XKR6: variants seen among roughly 807,000 people sequenced by gnomAD.
XKR6 encodes XK-related protein 6.
XKR6 carries 22 observed loss-of-function variants against 56.7 expected under a neutral mutation model. That is an observed-to-expected ratio of 0.39 (90% CI 0.28 to 0.55). The LOEUF (loss-of-function observed/expected upper bound fraction) is 0.55. Ranked by LOEUF, XKR6 falls within the 20% of genes least tolerant of loss-of-function variation. XKR6 has a pLI of 0.66. For synonymous variants in XKR6, 524 were observed against 387.8 expected, an observed-to-expected ratio of 1.35 and a Z score of -4.13; for missense variants, 852 against 889.0, an observed-to-expected ratio of 0.96 and a Z score of 0.53.
intron 2 of XKR6, among the ~76,000 whole-genome samples, chr8:10,903,074 C>T (rs1173427472): frequency 6.6e-6 from 1 of 152,140 alleles, no homozygotes; most frequent in African/African-American, 2.4e-5. Flanking sequence ...CAGAGGGTAG[C>T]CCTTGCCCTG....
At chr8:11,182,805 T>G (rs909752842) in intron 1 of XKR6, among the ~76,000 whole-genome samples, 8 of 152,202 alleles carry the variant, frequency 5.3e-5, no homozygotes, top group African/African-American at 7.2e-5. Flanking sequence ...CAATGCATCA[T>G]CAGTCATTTC....
intron 1 of XKR6, among the ~76,000 whole-genome samples, chr8:11,047,850 G>A (rs969627647): frequency 1.9e-4 from 29 of 152,198 alleles, no homozygotes; most frequent in African/African-American, 6.5e-4. Flanking sequence ...CTCACTACAT[G>A]ATCCCAGGAA....
intron 1 of XKR6, among the ~76,000 whole-genome samples, chr8:11,018,759 A>G (rs1798683001): frequency 6.6e-6 from 1 of 152,074 alleles, no homozygotes; most frequent in Non-Finnish European, 1.5e-5. Flanking sequence ...CCTGCCCCAA[A>G]CCATCAATAG....
chr8:10,924,833 G>A lies in XKR6; in HGVS notation c.765-3C>T. The A allele has an allele frequency of 6.2e-7, 1 of 1,610,782 alleles. No individual in the cohort carries two copies. The highest frequency in any genetic ancestry group is 8.5e-7 in the Non-Finnish European group (1 of 1,177,902). On this transcript the variant is annotated splice_polypyrimidine_tract_variant and splice_region_variant and intron_variant, in intron 1 of 2. Coordinates refer to ENST00000416569, the MANE Select transcript of XKR6 (RefSeq NM_173683.4). Reference sequence around the variant, plus strand: ...CCAGGTACATGGTGCGGATATACCTGCCCAGAGAGATGGGGAGAACACAGA... The same window carrying A: ...CCAGGTACATGGTGCGGATATACCTACCCAGAGAGATGGGGAGAACACAGA...
At chr8:11,124,242 G>C (rs753995040) in intron 1 of XKR6, 2 of 346,640 alleles carry the variant, frequency 5.8e-6, no homozygotes, top group Admixed American at 7.7e-5. Context: ...TCTTACCAAA[G>C]AGGAAAGTGA....
chr8:11,019,566 C>G (rs538246352), intron 1 of XKR6, among the ~76,000 whole-genome samples: 1 of 152,306 alleles, frequency 6.6e-6, no homozygotes, highest in South Asian at 2.1e-4. Flanking sequence ...TGCTAGAACG[C>G]GCAGGTGACA....
chr8:10,901,054 TC>T (rs1477559017), intron 2 of XKR6, among the ~76,000 whole-genome samples: 1 of 121,818 alleles, frequency 8.2e-6, no homozygotes, highest in African/African-American at 3.3e-5. Context: ...AGTTTCTACT[TC>T]TTTTTTTTTT....
chr8:10,996,659 G>A (rs1013645365), intron 1 of XKR6, among the ~76,000 whole-genome samples: 1 of 152,138 alleles, frequency 6.6e-6, no homozygotes, highest in Admixed American at 6.5e-5. Flanking sequence ...TGGGTGTGTT[G>A]GGTGAAGACT....
intron 1 of XKR6, among the ~76,000 whole-genome samples, chr8:10,955,057 T>TG (rs1187264282): frequency 6.6e-6 from 1 of 151,892 alleles, no homozygotes; most frequent in Non-Finnish European, 1.5e-5. Context: ...TTAGTAGAGA[T>TG]GGGGTTTCAC....
chr8:11,029,174 C>A (rs980582000), intron 1 of XKR6, among the ~76,000 whole-genome samples: 1 of 152,122 alleles, frequency 6.6e-6, no homozygotes. Flanking sequence ...CCCTCCCAGG[C>A]CCCTTCACTC....
chr8:11,027,321 G>A (rs1273995154), intron 1 of XKR6, among the ~76,000 whole-genome samples: 1 of 152,142 alleles, frequency 6.6e-6, no homozygotes, highest in Non-Finnish European at 1.5e-5. Flanking sequence ...TGTATATTGG[G>A]TTAAATAAAA....
chr8:10,926,390 GA>G (rs1800885871), intron 1 of XKR6, among the ~76,000 whole-genome samples: 1 of 152,040 alleles, frequency 6.6e-6, no homozygotes, highest in African/African-American at 2.4e-5. Context: ...ACCAACTGAT[GA>G]GGGGTGCCCG....
At chr8:11,146,573 G>A (rs910695231) in intron 1 of XKR6, among the ~76,000 whole-genome samples, 1 of 149,992 alleles carries the variant, frequency 6.7e-6, no homozygotes, top group African/African-American at 2.5e-5. Context: ...AGGCTGCAGT[G>A]AGTCAATATC....
intron 2 of XKR6, among the ~76,000 whole-genome samples, chr8:10,907,527 T>C (rs1800218126): frequency 6.6e-6 from 1 of 152,214 alleles, no homozygotes; most frequent in Non-Finnish European, 1.5e-5. Context: ...AGCAGCAGAC[T>C]GATTTCAAGA....
At chr8:10,944,957 G>A (rs182426151) in intron 1 of XKR6, among the ~76,000 whole-genome samples, 11 of 152,324 alleles carry the variant, frequency 7.2e-5, no homozygotes, top group Non-Finnish European at 4.4e-5. Context: ...GCAGAGGAAA[G>A]CACCCTGAGG....
chr8:10,945,089 A>G (rs1311341168), intron 1 of XKR6, among the ~76,000 whole-genome samples: 1 of 152,098 alleles, frequency 6.6e-6, no homozygotes, highest in Non-Finnish European at 1.5e-5. Flanking sequence ...CCTGGGTGAA[A>G]CTGGCTCCAC....
chr8:11,136,669 C>A (rs1260704878), intron 1 of XKR6, among the ~76,000 whole-genome samples: 1 of 152,136 alleles, frequency 6.6e-6, no homozygotes, highest in Non-Finnish European at 1.5e-5. Context: ...CTCTTTACCA[C>A]GTGAAGACAG....
chr8:11,170,987 A>G (rs1802339286), intron 1 of XKR6, among the ~76,000 whole-genome samples: 1 of 152,242 alleles, frequency 6.6e-6, no homozygotes, highest in South Asian at 2.1e-4. Flanking sequence ...CCAACATCAG[A>G]ATTTAGATTA....
chr8:11,109,314 C>T (rs1477884453), intron 1 of XKR6: 2 of 152,206 alleles, frequency 1.3e-5, no homozygotes, highest in Non-Finnish European at 2.9e-5. Flanking sequence ...AGTTATCCAA[C>T]AGGGACAGAA....
Sources: allele counts gnomAD v4.1 joint callset (sites outside exome capture counted in the v4.1 genomes callset), GRCh38; gene constraint gnomAD v4.1.1; transcripts MANE v1.5; gene names NCBI Gene and HGNC (gene_info 2026-07-23, HGNC 2026-07-21).